Variants in ZMAT4 observed in about 807,000 individuals in gnomAD.
The protein encoded by ZMAT4 is zinc finger matrin-type 4.
In ZMAT4, 17 loss-of-function variants were observed where a neutral mutation model predicts 28.7. The ratio of observed to expected loss-of-function variants is 0.59; its 90% CI spans 0.41 to 0.89. The LOEUF (loss-of-function observed/expected upper bound fraction) is 0.89. Among genes scored for constraint, ZMAT4 ranks in the 40% least tolerant of loss-of-function variants. The pLI is 0.00. For synonymous variants in ZMAT4, 117 were observed against 109.2 expected (o/e 1.07, Z -0.44); for missense variants, 240 against 283.8 (o/e 0.85, Z 1.11).
intron 1 of ZMAT4, among the ~76,000 whole-genome samples, chr8:40,857,930 T>C (rs1245783462): frequency 6.6e-6 from 1 of 152,184 alleles, no homozygotes; most frequent in Non-Finnish European, 1.5e-5. Flanking sequence ...GCATACTGTA[T>C]GATCCATTTA....
At chr8:40,623,762 A>G (rs138315776) in intron 5 of ZMAT4, among the ~76,000 whole-genome samples, 10 of 152,332 alleles carry the variant, frequency 6.6e-5, no homozygotes, top group African/African-American at 2.2e-4. Flanking sequence ...CTGAAAGGCT[A>G]CATAAGCCTA....
chr8:40,682,159 T>C (rs1479494599), intron 4 of ZMAT4, among the ~76,000 whole-genome samples: 1 of 152,162 alleles, frequency 6.6e-6, no homozygotes, highest in African/African-American at 2.4e-5. Flanking sequence ...TACTCCCCCA[T>C]GTAGATGGAA....
At chr8:40,776,717 A>G (rs1021413637) in intron 2 of ZMAT4, among the ~76,000 whole-genome samples, 2 of 152,202 alleles carry the variant, frequency 1.3e-5, no homozygotes, top group Non-Finnish European at 2.9e-5. Context: ...AAAGTCAGAG[A>G]AGACTGGGTA....
At chr8:40,817,209 C>A (rs145857911) in intron 2 of ZMAT4, among the ~76,000 whole-genome samples, 4 of 152,026 alleles carry the variant, frequency 2.6e-5, no homozygotes, top group South Asian at 2.1e-4. Flanking sequence ...AAATCGGAAG[C>A]CTTTTTACAT....
At chr8:40,699,616 A>T (rs1237921562) in intron 3 of ZMAT4, among the ~76,000 whole-genome samples, 1 of 151,920 alleles carries the variant, frequency 6.6e-6, no homozygotes, top group African/African-American at 2.4e-5. Context: ...ACACACACAC[A>T]CACACCATGG....
chr8:40,740,431 A>C (rs183958444), intron 3 of ZMAT4, among the ~76,000 whole-genome samples: 16 of 152,374 alleles, frequency 1.1e-4, no homozygotes, highest in African/African-American at 3.6e-4. Flanking sequence ...ATCTATTGAA[A>C]TGCAACCATC....
intron 3 of ZMAT4, among the ~76,000 whole-genome samples, chr8:40,755,522 G>C (rs548615672): frequency 6.6e-6 from 1 of 152,036 alleles, no homozygotes; most frequent in Non-Finnish European, 1.5e-5. Context: ...GCCCGATCTC[G>C]GCTCACTGCA....
chr8:40,629,889 C>A (rs1460315223), intron 5 of ZMAT4, among the ~76,000 whole-genome samples: 1 of 152,128 alleles, frequency 6.6e-6, no homozygotes, highest in Non-Finnish European at 1.5e-5. Flanking sequence ...GTCTTTATAG[C>A]AGCATGATTT....
chr8:40,558,221 G>A (rs1017047054), intron 6 of ZMAT4, among the ~76,000 whole-genome samples: 9 of 152,292 alleles, frequency 5.9e-5, no homozygotes, highest in Admixed American at 2.0e-4. Context: ...GAGCCAGCAC[G>A]AAGAGTCCGA....
chr8:40,828,826 G>A (rs1816173353), intron 1 of ZMAT4, among the ~76,000 whole-genome samples: 1 of 151,992 alleles, frequency 6.6e-6, no homozygotes, highest in Non-Finnish European at 1.5e-5. Context: ...CAGAGGGTCC[G>A]ATTTATCATG....
intron 6 of ZMAT4, among the ~76,000 whole-genome samples, chr8:40,568,434 G>C (rs1182041118): frequency 6.6e-6 from 1 of 152,024 alleles, no homozygotes; most frequent in Non-Finnish European, 1.5e-5. Context: ...AGATCCACTG[G>C]GGTTCTAAAC....
chr8:40,695,715 G>T (rs1299635810), intron 4 of ZMAT4, among the ~76,000 whole-genome samples: 2 of 148,618 alleles, frequency 1.3e-5, no homozygotes, highest in Non-Finnish European at 3.0e-5. Flanking sequence ...TGGATGCTTG[G>T]TTGTCTTGAA....
At chr8:40,818,635 T>G (rs543872120) in intron 2 of ZMAT4, among the ~76,000 whole-genome samples, 4 of 152,212 alleles carry the variant, frequency 2.6e-5, no homozygotes, top group Non-Finnish European at 4.4e-5. Context: ...TTTCCTAGTC[T>G]TTACCCAGTT....
chr8:40,842,788 T>C lies in ZMAT4; in HGVS notation c.-4-17108A>G, dbSNP rs564038450. On this transcript the variant is annotated intron_variant, in intron 1 of 6. Transcript: ENST00000297737. ...ACAGGATATTATAAAATACATTTAG[T>C]TTTTAAGATGGAGTTTCACTCTTGT... Among the ~76,000 whole-genome samples the C allele has an allele frequency of 7.9e-5, 12 of 152,280 alleles. No individual in the cohort carries two copies. The East Asian group carries it at 1.2e-3, about 15-fold the overall frequency.
chr8:40,728,439 A>C (rs1241777186), intron 3 of ZMAT4, among the ~76,000 whole-genome samples: 2 of 152,208 alleles, frequency 1.3e-5, no homozygotes, highest in African/African-American at 4.8e-5. Flanking sequence ...CAGCTATAGC[A>C]GTTTCCCAAC....
At chr8:40,845,445 G>A (rs1466720466) in intron 1 of ZMAT4, among the ~76,000 whole-genome samples, 1 of 152,078 alleles carries the variant, frequency 6.6e-6, no homozygotes, top group African/African-American at 2.4e-5. Context: ...TCAGATTCTG[G>A]TCTCTCCCAG....
chr8:40,643,837 T>A (rs1039052918), intron 5 of ZMAT4, among the ~76,000 whole-genome samples: 3 of 148,860 alleles, frequency 2.0e-5, no homozygotes, highest in Non-Finnish European at 4.4e-5. Flanking sequence ...AAAAAAACTA[T>A]GCAAAGGCTC....
chr8:40,773,772 T>C (rs1284939631), intron 2 of ZMAT4, among the ~76,000 whole-genome samples: 1 of 151,964 alleles, frequency 6.6e-6, no homozygotes, highest in Non-Finnish European at 1.5e-5. Context: ...TTCACTTTAA[T>C]AGCAGAATCA....
intron 6 of ZMAT4, among the ~76,000 whole-genome samples, chr8:40,535,978 G>A (rs930306003): frequency 3.3e-5 from 5 of 152,116 alleles, no homozygotes; most frequent in African/African-American, 1.2e-4. Context: ...TAGGAGAGGA[G>A]GAGTCATGTC....
Sources: allele counts gnomAD v4.1 joint callset (sites outside exome capture counted in the v4.1 genomes callset), GRCh38; gene constraint gnomAD v4.1.1; transcripts MANE v1.5; gene names NCBI Gene and HGNC (gene_info 2026-07-23, HGNC 2026-07-21).